The following KMT2A variants were observed in gnomAD, a reference collection of about 807,000 sequenced individuals.
KMT2A encodes the protein histone-lysine N-methyltransferase 2A.
Under a neutral mutation model 345.3 loss-of-function variants are expected in KMT2A, and 16 were observed. The ratio of observed to expected loss-of-function variants is 0.05; its 90% confidence interval spans 0.03 to 0.07. KMT2A has a LOEUF of 0.07. Among genes scored for constraint, KMT2A ranks in the 10% least tolerant of loss-of-function variants. The pLI, the probability that KMT2A is intolerant of heterozygous loss-of-function variation, is 1.00. For synonymous variants in KMT2A, 1,599 were observed against 1,778.6 expected, an observed-to-expected ratio of 0.90 and a Z score of 2.54; for missense variants, 3,272 against 4,841.6, an observed-to-expected ratio of 0.68 and a Z score of 9.62.
intron 1 of KMT2A, among the ~76,000 whole-genome samples, chr11:118,455,203 T>C (rs1326154176): frequency 6.6e-6 from 1 of 152,184 alleles, no homozygotes; most frequent in Non-Finnish European, 1.5e-5. Flanking sequence ...TAGTGTCTTT[T>C]ATTTATTTGT....
Position 118,519,980 on chromosome 11 carries a change from A to G in KMT2A, c.11345A>G (p.Asn3782Ser). 6.2e-7 allele frequency: 1 copy of G among 1,614,038 alleles called. No homozygotes were observed. The highest frequency in any genetic ancestry group is 8.5e-7 in the Non-Finnish European group (1 of 1,179,918). Reference protein sequence around the residue: ...HLRKSAFDMFNFLASKHRQPP... With the variant: ...HLRKSAFDMFSFLASKHRQPP... ...AGGAAGTCAGCATTTGACATGTTTA[A>G]CTTCCTGGCTTCTAAACATCGTCAG... The change falls in exon 33 of 36, where the codon AAC becomes AGC. Residue 3782 changes from asparagine to serine, a missense_variant. Around this residue, in one of 27 missense-constraint regions of KMT2A, gnomAD observed 72 missense variants for 135.6 expected, o/e 0.53. Transcript: ENST00000534358.
At chr11:118,509,327 G>T in intron 29 of KMT2A, 127 bp downstream of exon 29, 2 of 738,666 alleles carry the variant, frequency 2.7e-6, no homozygotes, top group Non-Finnish European at 4.3e-6. Context: ...GAAGTTAAGT[G>T]ATTTGGCCCA....
rs1555040467 is a variant in KMT2A, at chr11:118,484,949, C to T, written c.4306C>T (p.Leu1436Phe). 3 of 1,612,782 alleles carry T rather than the reference C, an allele frequency of 1.9e-6. No individual in the cohort carries two copies. Among genetic ancestry groups the T allele is most frequent in the Admixed American group, 1.7e-5 (1 of 59,956 alleles). ...TATAACACCCAGGGTGGTTTGCTTT[C>T]TCTGTGCCAGTAGTGGGCATGTAGA... ...VPITPRVVCF[L>F]CASSGHVEFV... The change falls in exon 10 of 36, where the codon CTC (leucine) becomes TTC (phenylalanine). Residue 1436 changes from leucine (L) to phenylalanine (F), a missense_variant. Physicochemically the swap from Leu to Phe is conservative, Grantham distance 22. Transcript: ENST00000534358. The surrounding 1 kb of genome is among the most constrained non-coding windows in gnomAD (Gnocchi z 4.1).
chr11:118,477,285 G>C (rs150508721), intron 4 of KMT2A, among the ~76,000 whole-genome samples: 1 of 152,118 alleles, frequency 6.6e-6, no homozygotes, highest in Non-Finnish European at 1.5e-5. Context: ...TGGCAAAGCT[G>C]TCCAGGAGTC....
intron 28 of KMT2A, 105 bp downstream of exon 28, chr11:118,507,714 T>C (rs1950609847): frequency 3.4e-6 from 3 of 875,312 alleles, no homozygotes; most frequent in Non-Finnish European, 5.6e-6. Context: ...CCTGTAATCC[T>C]AGTAGTCTGG....
Position 118,502,780 on chromosome 11 carries a change from T to C in KMT2A, c.6888T>C (p.Ala2296=). The change falls in exon 27 of 36, where the codon GCT becomes GCC. Residue 2296 remains alanine, a synonymous_variant. Transcript: ENST00000534358. This position sits in a 1 kb window ranked among gnomAD's most constrained non-coding sequence, Gnocchi z 4.9. ...SSSSEMKQSS[A]SDLVSKSSSL... ...CTTCAGAAATGAAGCAGTCCAGTGC[T>C]TCAGACTTGGTGTCCAAGAGCTCCT... 1 of 1,614,164 alleles carries C rather than the reference T, an allele frequency of 6.2e-7. No individual in the cohort carries two copies. Among genetic ancestry groups the C allele is most frequent in the Non-Finnish European group, 8.5e-7 (1 of 1,180,032 alleles).
At position 118,480,135 on chromosome 11, in the gene KMT2A, A is replaced by C. The variant is rs782732945; in HGVS notation, c.3570-39A>C. ...CACTTGTTTCAGTGCTTTTCTTCTA[A>C]ATTTAATTTGTTTCATGGTTTATTC... is the stretch of plus-strand genomic sequence containing the variant. On this transcript the variant is annotated intron_variant, in intron 5 of 35. Transcript: ENST00000534358. The C allele has an allele frequency of 3.3e-5, 50 of 1,514,084 alleles. No individual in the cohort carries two copies. The Admixed American group carries it at 3.7e-4, about 11-fold the overall frequency. 93.8% of individuals were successfully genotyped at this position (1,514,084 alleles called of 1,614,324 possible).
chr11:118,521,123 T>C lies in KMT2A; in HGVS notation c.11514-165T>C, dbSNP rs1950958587. On this transcript the variant is annotated intron_variant, in intron 34 of 35. Transcript: ENST00000534358. This position sits in a 1 kb window ranked among gnomAD's most constrained non-coding sequence, Gnocchi z 5.3. ...CACAGAATGGAAATAACTTTCATCT[T>C]TGGCCATGTGTTAGATGGCCAAATC... 1 of 731,304 alleles carries C rather than the reference T, an allele frequency of 1.4e-6. No individual in the cohort carries two copies. Among genetic ancestry groups the C allele is most frequent in the South Asian group, 1.8e-5 (1 of 54,828 alleles). The allele number at this position is 731,304 out of a possible 1,614,324, so 45.3% of individuals were successfully genotyped here.
At position 118,495,881 on chromosome 11, in the gene KMT2A, C is replaced by T. The variant is rs369974258; in HGVS notation, c.5545C>T (p.Pro1849Ser). The T allele has an allele frequency of 1.9e-6, 3 of 1,605,370 alleles. No individual in the cohort carries two copies. Among genetic ancestry groups the T allele is most frequent in the East Asian group, 4.5e-5 (2 of 44,770 alleles). Residue 1849 changes from proline (P) to serine (S), a missense_variant, in exon 19 of 36, where the codon CCA becomes TCA. By Grantham distance (74) the Pro-to-Ser change is moderately conservative. This residue lies in a region of KMT2A where 235 missense variants were observed against 503.4 expected (regional missense o/e 0.47). Coordinates refer to ENST00000534358, the MANE Select transcript of KMT2A (RefSeq NM_001197104.2). This position sits in a 1 kb window ranked among gnomAD's most constrained non-coding sequence, Gnocchi z 4.1. ...ACCAACTCCTCTGCATCCTCCTACA[C>T]CACCAATTTTGAGTAAGCCACCAAA... ...DSPTPLHPPT[P>S]PILSTDRSRE... is the part of the protein sequence containing the mutation.
chr11:118,455,877 A>G (rs1056603678), intron 1 of KMT2A, among the ~76,000 whole-genome samples: 3 of 151,860 alleles, frequency 2.0e-5, no homozygotes, highest in Non-Finnish European at 4.4e-5. Flanking sequence ...CTTTGTAGAG[A>G]TGGGGTTTCA....
intron 6 of KMT2A, 135 bp from the exon 7 acceptor site, chr11:118,481,580 T>C: frequency 1.1e-6 from 1 of 911,964 alleles, no homozygotes. Context: ...AGATATCTCT[T>C]TGATATACTG....
intron 1 of KMT2A, among the ~76,000 whole-genome samples, chr11:118,444,098 G>C (rs2134177063): frequency 6.6e-6 from 1 of 152,304 alleles, no homozygotes; most frequent in South Asian, 2.1e-4. Flanking sequence ...GATATTACTT[G>C]TGAGAAGGGT....
chr11:118,449,034 C>T (rs980755969), intron 1 of KMT2A: 2 of 152,000 alleles, frequency 1.3e-5, no homozygotes, highest in African/African-American at 2.4e-5. Flanking sequence ...AATTGTCTTA[C>T]GATTCTTTGT....
Position 118,497,814 on chromosome 11 carries a change from T to C in KMT2A, c.5665-122T>C. The C allele has an allele frequency of 1.5e-6, 1 of 688,614 alleles. No individual in the cohort carries two copies. Among genetic ancestry groups the C allele is most frequent in the Non-Finnish European group, 2.5e-6 (1 of 403,716 alleles). The allele number at this position is 688,614 out of a possible 1,614,324, so 42.7% of individuals were successfully genotyped here. On this transcript the variant is annotated intron_variant, in intron 20 of 35. Transcript: ENST00000534358. The surrounding 1 kb of genome is among the most constrained non-coding windows in gnomAD (Gnocchi z 4.8). ...AAAAGAATTCTGATTTCTGTGTGCC[T>C]CCCTCCATTAAAGAATTATAGTTGC...
intron 1 of KMT2A, among the ~76,000 whole-genome samples, chr11:118,441,839 C>A (rs782532613): frequency 1.3e-5 from 2 of 152,176 alleles, no homozygotes; most frequent in Non-Finnish European, 2.9e-5. Context: ...AGTGATCCAT[C>A]TTCTTATTGG....
intron 1 of KMT2A, among the ~76,000 whole-genome samples, chr11:118,451,149 G>C (rs1321290875): frequency 6.6e-6 from 1 of 151,078 alleles, no homozygotes; most frequent in Non-Finnish European, 1.5e-5. Context: ...TGGATGACCA[G>C]CTACTGGGGC....
chr11:118,468,595 G>T, intron 1 of KMT2A, 180 bp from the exon 2 acceptor site: 1 of 562,904 alleles, frequency 1.8e-6, no homozygotes, highest in Non-Finnish European at 3.3e-6. Context: ...TAATAAAGCT[G>T]TATGGCTGGG....
At position 118,472,470 on chromosome 11, in the gene KMT2A, A is replaced by G. The variant is rs1949959441; in HGVS notation, c.1311A>G (p.Pro437=). 6.2e-7 allele frequency: 1 copy of G among 1,613,832 alleles called. No homozygotes were observed. The highest frequency in any genetic ancestry group is 1.7e-5 in the Admixed American group (1 of 59,960). Residue 437 remains proline (P), a synonymous_variant, in exon 3 of 36, where the codon CCA becomes CCG. Coordinates refer to ENST00000534358, the MANE Select transcript of KMT2A (RefSeq NM_001197104.2). The stretch of plus-strand genomic sequence containing the variant: ...TAGAGGATGAGGATTATGACCCTCC[A>G]ATTAAAATTGCCCGATTAGAGTCTA... The part of the protein sequence containing the change: ...RFIEDEDYDP[P]IKIARLESTP...
At chr11:118,439,726 G>A (rs781848545) in intron 1 of KMT2A, among the ~76,000 whole-genome samples, 1 of 152,160 alleles carries the variant, frequency 6.6e-6, no homozygotes, top group African/African-American at 2.4e-5. Context: ...TTCCTGAACA[G>A]TAGTTGCTGC....
Sources: allele counts gnomAD v4.1 joint callset (sites outside exome capture counted in the v4.1 genomes callset), GRCh38; gene constraint gnomAD v4.1.1; regional missense constraint gnomAD v4.1.1; non-coding constraint Gnocchi (gnomAD v3.1); transcripts MANE v1.5; gene names NCBI Gene and HGNC (gene_info 2026-07-23, HGNC 2026-07-21).